PHLDB2: variants seen among roughly 807,000 people sequenced by gnomAD.
The protein encoded by PHLDB2 is pleckstrin homology-like domain family B member 2.
A neutral mutation model predicts 123.6 loss-of-function variants in PHLDB2; 71 were observed. The ratio of observed to expected loss-of-function variants is 0.57; its 90% CI spans 0.47 to 0.70. The LOEUF is 0.70. PHLDB2 is among the 30% of genes least tolerant of loss of function. PHLDB2 has a pLI of 0.00. For synonymous variants in PHLDB2, 547 were observed against 541.6 expected, an observed-to-expected ratio of 1.01 and a Z score of -0.14; for missense variants, 1,446 against 1,519.5, an observed-to-expected ratio of 0.95 and a Z score of 0.80.
intron 1 of PHLDB2, among the ~76,000 whole-genome samples, chr3:111,794,907 G>A (rs2061090052): frequency 6.6e-6 from 1 of 152,194 alleles, no homozygotes; most frequent in Admixed American, 6.5e-5. Flanking sequence ...GAATGCCTCT[G>A]CCACTGTTGT....
At chr3:111,742,625 A>T (rs1184321328) in intron 1 of PHLDB2, among the ~76,000 whole-genome samples, 1 of 152,168 alleles carries the variant, frequency 6.6e-6, no homozygotes, top group Non-Finnish European at 1.5e-5. Context: ...CCATGTCCCT[A>T]CAAAGGATAT....
At chr3:111,896,687 C>T (rs1191688792) in intron 2 of PHLDB2, among the ~76,000 whole-genome samples, 1 of 151,836 alleles carries the variant, frequency 6.6e-6, no homozygotes, top group East Asian at 1.9e-4. Context: ...ATTTCTCTTC[C>T]CCAGCTTGAG....
intron 13 of PHLDB2, among the ~76,000 whole-genome samples, chr3:111,962,980 C>A (rs2071509827): frequency 1.3e-5 from 2 of 151,116 alleles, no homozygotes; most frequent in Non-Finnish European, 3.0e-5. Context: ...GAATGATTTC[C>A]AACAGCAGTC....
rs541379919 is a variant in PHLDB2, at chr3:111,900,524, C to T, written c.1336-12795C>T. Among the ~76,000 whole-genome samples the T allele has an allele frequency of 3.9e-5, 6 of 152,162 alleles. No homozygotes were observed. In the South Asian group the frequency reaches 8.3e-4, roughly 21 times the overall value. ...ACAGGGAAATGGCCTGTTGATGGAG[C>T]GGTTAGAACAAGTACAACATTTATT... On this transcript the variant is annotated intron_variant, in intron 2 of 17. Coordinates refer to ENST00000431670, the MANE Select transcript of PHLDB2 (RefSeq NM_001134438.2).
At chr3:111,854,515 T>G (rs2064398755), upstream of PHLDB2, among the ~76,000 whole-genome samples, 1 of 152,200 alleles carries the variant, frequency 6.6e-6, no homozygotes, top group South Asian at 2.1e-4. Context: ...TGAAATGAGT[T>G]AATAGCTACA....
intron 1 of PHLDB2, among the ~76,000 whole-genome samples, chr3:111,751,058 T>C (rs1576506030): frequency 6.6e-6 from 1 of 152,280 alleles, no homozygotes; most frequent in South Asian, 2.1e-4. Context: ...GTAATCATTT[T>C]CATCTGGAAG....
intron 1 of PHLDB2, among the ~76,000 whole-genome samples, chr3:111,882,424 A>G (rs1469312380): frequency 1.3e-5 from 2 of 152,216 alleles, no homozygotes; most frequent in African/African-American, 4.8e-5. Context: ...AATTGATAGC[A>G]GTAGACACAT....
intron 1 of PHLDB2, among the ~76,000 whole-genome samples, chr3:111,880,022 C>G (rs1458666134): frequency 1.6e-5 from 2 of 126,486 alleles, no homozygotes; most frequent in Non-Finnish European, 3.2e-5. Context: ...TATCCACAGT[C>G]TCTTTGGTGA....
At chr3:111,972,851 G>A (rs765247071) in intron 16 of PHLDB2, among the ~76,000 whole-genome samples, 36 of 152,084 alleles carry the variant, frequency 2.4e-4, no homozygotes, top group Non-Finnish European at 4.7e-4. Flanking sequence ...GCACACACAC[G>A]AGATCTTATA....
chr3:111,879,146 C>T (rs953483087), intron 1 of PHLDB2, among the ~76,000 whole-genome samples: 1 of 152,136 alleles, frequency 6.6e-6, no homozygotes, highest in African/African-American at 2.4e-5. Flanking sequence ...CCTCTTTGTA[C>T]CTCTGGTAAC....
At chr3:111,864,865 C>T (rs1200521322) in intron 1 of PHLDB2, among the ~76,000 whole-genome samples, 1 of 152,170 alleles carries the variant, frequency 6.6e-6, no homozygotes, top group East Asian at 1.9e-4. Flanking sequence ...TTTTCTGAGA[C>T]TTGCTGCTAA....
At chr3:111,878,331 A>T (rs1032119621) in intron 1 of PHLDB2, among the ~76,000 whole-genome samples, 1 of 152,074 alleles carries the variant, frequency 6.6e-6, no homozygotes, top group African/African-American at 2.4e-5. Context: ...ATGGGAGTTC[A>T]CTCATGATTT....
chr3:111,827,237 T>G (rs73226334), intron 1 of PHLDB2, among the ~76,000 whole-genome samples: 16,569 of 152,226 alleles, frequency 0.11, 1,220 homozygotes, highest in Non-Finnish European at 0.15. Flanking sequence ...ACCAGCTGTC[T>G]GTTGCCTACC....
At chr3:111,869,588 T>C (rs2065244128) in intron 1 of PHLDB2, among the ~76,000 whole-genome samples, 1 of 152,208 alleles carries the variant, frequency 6.6e-6, no homozygotes, top group Admixed American at 6.5e-5. Context: ...CCCTGTCACC[T>C]GGTGAATTCC....
rs1272139862 is a variant in PHLDB2, at chr3:111,973,804, A to G, written c.3608A>G (p.Lys1203Arg). The change falls in exon 17 of 18, where the codon AAG (lysine) becomes AGG (arginine). Residue 1203 changes from lysine (K) to arginine (R), a missense_variant. Lys to Arg is a conservative substitution (Grantham distance 26). Coordinates refer to ENST00000431670, the MANE Select transcript of PHLDB2 (RefSeq NM_001134438.2). ...AIEEVYYDHL[K>R]NANKSPNPLL... ...GAAGAAGTCTATTATGATCACCTCAAGAATGCTAATAAGGTAAACATCAGT... is the reference window on the plus strand; with the variant it reads ...GAAGAAGTCTATTATGATCACCTCAGGAATGCTAATAAGGTAAACATCAGT... The G allele has an allele frequency of 6.3e-7, 1 of 1,579,068 alleles. No individual in the cohort carries two copies. Among genetic ancestry groups the G allele is most frequent in the Non-Finnish European group, 8.7e-7 (1 of 1,153,234 alleles).
At chr3:111,891,173 A>G (rs771308793) in intron 2 of PHLDB2, among the ~76,000 whole-genome samples, 1 of 152,184 alleles carries the variant, frequency 6.6e-6, no homozygotes, top group African/African-American at 2.4e-5. Context: ...TCTTTGACAA[A>G]TTAGATGTTC....
intron 1 of PHLDB2, among the ~76,000 whole-genome samples, chr3:111,757,732 G>A (rs2059920147): frequency 6.6e-6 from 1 of 152,158 alleles, no homozygotes; most frequent in African/African-American, 2.4e-5. Flanking sequence ...CGATGTTGGT[G>A]ATGTACAGAT....
intron 1 of PHLDB2, among the ~76,000 whole-genome samples, chr3:111,813,736 C>T (rs1559845212): frequency 6.6e-6 from 1 of 152,174 alleles, no homozygotes; most frequent in African/African-American, 2.4e-5. Flanking sequence ...TCTTTGCCAC[C>T]AGTTCTTGAG....
chr3:111,830,744 G>A (rs1405183287), intron 1 of PHLDB2, among the ~76,000 whole-genome samples: 33 of 130,754 alleles, frequency 2.5e-4, no homozygotes, highest in Admixed American at 7.0e-4. Flanking sequence ...GGGAGGCGGA[G>A]CTTGCAGTGA....
Sources: gnomAD v4.1 joint callset for allele counts (sites outside exome capture counted in the v4.1 genomes callset) on GRCh38, gnomAD v4.1.1 for gene constraint, MANE v1.5 for transcripts, NCBI Gene and HGNC (gene_info 2026-07-23, HGNC 2026-07-21) for gene names.